SH3RF2: variants seen among roughly 807,000 people sequenced by gnomAD.
The protein encoded by SH3RF2 is E3 ubiquitin-protein ligase SH3RF2.
SH3RF2 carries 43 observed loss-of-function variants against 59.0 expected under a neutral mutation model. The observed-to-expected ratio is 0.73, with a 90% confidence interval of 0.57 to 0.94. SH3RF2 has a LOEUF of 0.94. Ranked by LOEUF, SH3RF2 falls within the 40% of genes least tolerant of loss-of-function variation. The pLI, the probability that SH3RF2 is intolerant of heterozygous loss-of-function variation, is 0.00. For synonymous variants in SH3RF2, 391 were observed against 391.5 expected (o/e 1.00, Z 0.01); for missense variants, 930 against 940.1 (o/e 0.99, Z 0.14).
chr5:146,062,154 C>T (rs1400842328), intron 9 of SH3RF2, among the ~76,000 whole-genome samples: 2 of 152,138 alleles, frequency 1.3e-5, no homozygotes, highest in Non-Finnish European at 2.9e-5. Flanking sequence ...GCGGCCTACC[C>T]TATTTCTCCC....
chr5:145,997,808 AG>A (rs1760227608), intron 2 of SH3RF2: 1 of 1,516,822 alleles, frequency 6.6e-7, no homozygotes, highest in African/African-American at 1.4e-5. Flanking sequence ...AAATTAAGCT[AG>A]GATCCCCCGC....
intron 5 of SH3RF2, among the ~76,000 whole-genome samples, chr5:146,040,312 T>A (rs552519812): frequency 6.6e-6 from 1 of 152,222 alleles, no homozygotes; most frequent in African/African-American, 2.4e-5. Context: ...AAAATATATA[T>A]ACTTATCCGT....
chr5:146,009,825 CTTTA>C (rs1040105440), intron 4 of SH3RF2, among the ~76,000 whole-genome samples: 13 of 152,230 alleles, frequency 8.5e-5, no homozygotes, highest in African/African-American at 2.2e-4. Flanking sequence ...TTTTTAAGAA[CTTTA>C]TTTATTCCTC....
At chr5:146,009,798 T>C (rs1316344661) in intron 4 of SH3RF2, among the ~76,000 whole-genome samples, 1 of 152,204 alleles carries the variant, frequency 6.6e-6, no homozygotes, top group African/African-American at 2.4e-5. Context: ...AAGAACCATA[T>C]CTTCTTTAAA....
rs112151675 is a variant in SH3RF2, at chr5:146,073,517, G to GA, written c.*34-4939dup. Reference sequence around the variant, plus strand: ...TGTCCCTGGCACACTTTGTAATTCAGAAAATGCTGATTAAACCCCCGCTGG... The same window carrying GA: ...TGTCCCTGGCACACTTTGTAATTCAGAAAAATGCTGATTAAACCCCCGCTGG... On this transcript the variant is annotated intron_variant, in intron 9 of 9. Coordinates refer to the SH3RF2 transcript ENST00000511217. Among the ~76,000 whole-genome samples, 29 of 152,332 alleles carry GA rather than the reference G, an allele frequency of 1.9e-4. 1 individual carries two copies. The highest frequency in any genetic ancestry group is 6.5e-4 in the African/African-American group (27 of 41,578).
At chr5:146,062,295 C>T in intron 9 of SH3RF2, 131 bp from the exon 10 acceptor site, 1 of 1,179,738 alleles carries the variant, frequency 8.5e-7, no homozygotes, top group Non-Finnish European at 1.2e-6. Context: ...CATCTTAGCA[C>T]TTGACACTCA....
chr5:146,050,289 G>A (rs1762450185), intron 7 of SH3RF2, among the ~76,000 whole-genome samples: 1 of 152,114 alleles, frequency 6.6e-6, no homozygotes, highest in Non-Finnish European at 1.5e-5. Flanking sequence ...TATGCAACTG[G>A]TCTTGGTTCA....
At chr5:145,995,867 C>T (rs1443758702) in intron 2 of SH3RF2, among the ~76,000 whole-genome samples, 1 of 152,038 alleles carries the variant, frequency 6.6e-6, no homozygotes, top group African/African-American at 2.4e-5. Flanking sequence ...CAGTAACGCT[C>T]AATATTATTA....
intron 5 of SH3RF2, among the ~76,000 whole-genome samples, chr5:146,039,791 C>T (rs1322141366): frequency 6.6e-6 from 1 of 152,136 alleles, no homozygotes; most frequent in South Asian, 2.1e-4. Context: ...GCACAGGGGA[C>T]ATGTACAAAA....
rs541789910 is a variant in SH3RF2, at chr5:145,998,147, A to T, written c.379-1911A>T. On this transcript the variant is annotated intron_variant, in intron 2 of 9. Coordinates refer to ENST00000359120, the MANE Select transcript of SH3RF2 (RefSeq NM_152550.4). ...CCAAGTTTTTCCCTTACCTCTCCAA[A>T]TGTGCAATTTGATAAATTGCATAAG... 10 of 435,056 alleles carry T rather than the reference A, an allele frequency of 2.3e-5. No individual in the cohort carries two copies. The East Asian group carries it at 3.6e-4, about 16-fold the overall frequency. 26.9% of individuals were successfully genotyped at this position (435,056 alleles called of 1,614,324 possible).
At chr5:146,035,545 G>A (rs1446813795) in intron 5 of SH3RF2, among the ~76,000 whole-genome samples, 1 of 152,142 alleles carries the variant, frequency 6.6e-6, no homozygotes, top group Non-Finnish European at 1.5e-5. Context: ...GCATAGCAAA[G>A]TGGGGACCCA....
intron 5 of SH3RF2, among the ~76,000 whole-genome samples, chr5:146,032,597 T>C (rs1761780763): frequency 6.6e-6 from 1 of 152,186 alleles, no homozygotes; most frequent in African/African-American, 2.4e-5. Flanking sequence ...GAGGTGACAC[T>C]AGGTGTGGTG....
At chr5:145,969,279 C>T (rs541618397) in intron 2 of SH3RF2, among the ~76,000 whole-genome samples, 1 of 152,186 alleles carries the variant, frequency 6.6e-6, no homozygotes, top group East Asian at 1.9e-4. Context: ...ATTTATGAAA[C>T]ATTTAAAGAA....
chr5:145,942,797 C>CA (rs1456490142), intron 2 of SH3RF2, among the ~76,000 whole-genome samples: 1 of 152,190 alleles, frequency 6.6e-6, no homozygotes, highest in Non-Finnish European at 1.5e-5. Flanking sequence ...CATGGCCCCA[C>CA]ACTGGCACTG....
intron 2 of SH3RF2, among the ~76,000 whole-genome samples, chr5:145,964,661 C>A (rs1486097800): frequency 6.6e-6 from 1 of 151,992 alleles, no homozygotes; most frequent in African/African-American, 2.4e-5. Context: ...CCATAAACTG[C>A]AGTTATAATT....
intron 2 of SH3RF2, among the ~76,000 whole-genome samples, chr5:145,951,405 G>T (rs1257790833): frequency 1.3e-5 from 2 of 152,158 alleles, no homozygotes; most frequent in Non-Finnish European, 2.9e-5. Context: ...CCCAAGTCAT[G>T]TTACCAGTTT....
intron 2 of SH3RF2, among the ~76,000 whole-genome samples, chr5:145,979,246 G>T (rs540456596): frequency 8.8e-4 from 134 of 152,292 alleles, no homozygotes; most frequent in African/African-American, 3.0e-3. Flanking sequence ...TACTACAGAA[G>T]AAACTCTTGG....
intron 4 of SH3RF2, among the ~76,000 whole-genome samples, chr5:146,006,565 A>G (rs1175020621): frequency 6.6e-6 from 1 of 152,200 alleles, no homozygotes; most frequent in Non-Finnish European, 1.5e-5. Flanking sequence ...GAATGTGCAA[A>G]AGTCCTGCAT....
chr5:146,016,655 C>T (rs1159717982), intron 5 of SH3RF2, among the ~76,000 whole-genome samples: 1 of 152,152 alleles, frequency 6.6e-6, no homozygotes. Context: ...TTGTCTAATT[C>T]TAGAACATAA....
Sources: gnomAD v4.1 joint callset for allele counts (sites outside exome capture counted in the v4.1 genomes callset) on GRCh38, gnomAD v4.1.1 for gene constraint, MANE v1.5 for transcripts, NCBI Gene and HGNC (gene_info 2026-07-23, HGNC 2026-07-21) for gene names.